Variants in GPC5 observed in about 807,000 individuals in gnomAD.
The protein encoded by GPC5 is glypican 5.
In GPC5, 47 loss-of-function variants were observed where a neutral mutation model predicts 53.9. The ratio of observed to expected loss-of-function variants is 0.87; its 90% CI spans 0.69 to 1.11. GPC5 has a LOEUF of 1.11. GPC5 is among the 50% of genes most tolerant of loss of function. The pLI is 0.00. For synonymous variants in GPC5, 286 were observed against 263.3 expected, an observed-to-expected ratio of 1.09 and a Z score of -0.84; for missense variants, 748 against 713.1, an observed-to-expected ratio of 1.05 and a Z score of -0.56.
chr13:91,846,634 A>G (rs780634874), intron 5 of GPC5, among the ~76,000 whole-genome samples: 1 of 151,950 alleles, frequency 6.6e-6, no homozygotes, highest in South Asian at 2.1e-4. Context: ...TACTGAAGAC[A>G]AAAAGGAAGG....
intron 7 of GPC5, among the ~76,000 whole-genome samples, chr13:92,220,558 A>T (rs1006130061): frequency 3.3e-5 from 5 of 152,260 alleles, no homozygotes. Flanking sequence ...ACTATCGGGA[A>T]GTAAACTTAA....
At position 92,142,802 on chromosome 13, in the gene GPC5, A is replaced by G. The variant is rs2041841008; in HGVS notation, c.1402-2028A>G. Among the ~76,000 whole-genome samples the G allele has an allele frequency of 3.3e-5, 5 of 152,330 alleles. No homozygotes were observed. The South Asian group carries it at 1.0e-3, about 32-fold the overall frequency. On this transcript the variant is annotated intron_variant, in intron 6 of 7. Coordinates refer to ENST00000377067, the MANE Select transcript of GPC5 (RefSeq NM_004466.6). ...TAATTCTTAGGGAAGTAAAGGGAAA[A>G]TAAAGTTGATACGGGAAAATGTTGG...
intron 7 of GPC5, among the ~76,000 whole-genome samples, chr13:92,237,913 A>C (rs906055025): frequency 6.6e-6 from 1 of 152,136 alleles, no homozygotes; most frequent in Admixed American, 6.5e-5. Flanking sequence ...ATGGAATCAT[A>C]ATAAGCATTC....
chr13:91,694,901 G>T (rs148816586), intron 3 of GPC5, among the ~76,000 whole-genome samples: 4 of 152,148 alleles, frequency 2.6e-5, no homozygotes, highest in Non-Finnish European at 5.9e-5. Context: ...GAGCCACCGC[G>T]CCCAGCGATT....
chr13:91,645,024 T>C (rs184888716), intron 2 of GPC5, among the ~76,000 whole-genome samples: 166 of 152,374 alleles, frequency 1.1e-3, no homozygotes, highest in African/African-American at 3.2e-3. Flanking sequence ...TGTGTTTATA[T>C]GTTGAAATAT....
chr13:92,613,196 T>A (rs1884496883), intron 7 of GPC5, among the ~76,000 whole-genome samples: 1 of 142,258 alleles, frequency 7.0e-6, no homozygotes, highest in Admixed American at 7.7e-5. Flanking sequence ...GTGTTCGCAA[T>A]ATATGAAGTA....
chr13:91,434,223 A>G (rs1879728940), intron 1 of GPC5, among the ~76,000 whole-genome samples: 1 of 152,150 alleles, frequency 6.6e-6, no homozygotes, highest in South Asian at 2.1e-4. Context: ...CCATTTGTCA[A>G]TTTTGGCTTT....
intron 5 of GPC5, among the ~76,000 whole-genome samples, chr13:91,851,797 A>G (rs1223877907): frequency 7.1e-6 from 1 of 140,786 alleles, no homozygotes. Context: ...GATGATTTCC[A>G]ATTTCATCCA....
intron 7 of GPC5, among the ~76,000 whole-genome samples, chr13:92,168,735 C>T (rs1013513861): frequency 7.2e-5 from 11 of 152,090 alleles, no homozygotes; most frequent in African/African-American, 2.2e-4. Context: ...CTGTTGGTGG[C>T]AAGGTAAATT....
intron 2 of GPC5, among the ~76,000 whole-genome samples, chr13:91,689,182 TAA>T (rs1166076951): frequency 3.0e-4 from 21 of 70,470 alleles, no homozygotes; most frequent in African/African-American, 1.0e-3. Flanking sequence ...AAATCATATA[TAA>T]ATATATATAT....
intron 7 of GPC5, among the ~76,000 whole-genome samples, chr13:92,572,387 C>T (rs1883056383): frequency 6.6e-6 from 1 of 152,096 alleles, no homozygotes; most frequent in African/African-American, 2.4e-5. Context: ...TTTGTTGGGA[C>T]ATTTTGGCCT....
intron 7 of GPC5, among the ~76,000 whole-genome samples, chr13:92,753,184 AC>A (rs1378886794): frequency 3.9e-5 from 6 of 151,960 alleles, no homozygotes; most frequent in Non-Finnish European, 2.9e-5. Context: ...CTGACCCCTG[AC>A]CCCCGAGCAG....
At chr13:92,644,567 A>G (rs1400714066) in intron 7 of GPC5, among the ~76,000 whole-genome samples, 1 of 152,200 alleles carries the variant, frequency 6.6e-6, no homozygotes, top group Non-Finnish European at 1.5e-5. Flanking sequence ...ATGTATTAAC[A>G]GCAATTGACC....
intron 7 of GPC5, among the ~76,000 whole-genome samples, chr13:92,376,677 G>T (rs1228542475): frequency 1.3e-5 from 2 of 152,086 alleles, no homozygotes; most frequent in Non-Finnish European, 1.5e-5. Context: ...TCCAAAAATG[G>T]GGTTCTCAAT....
At chr13:92,519,818 C>G (rs9516084) in intron 7 of GPC5, among the ~76,000 whole-genome samples, 16,270 of 151,974 alleles carry the variant, frequency 0.11, 1,057 homozygotes, top group Non-Finnish European at 0.15. Context: ...AAAAACCCTT[C>G]AAAAAATCAA....
chr13:92,096,448 C>T (rs2041422832), intron 6 of GPC5, among the ~76,000 whole-genome samples: 2 of 152,184 alleles, frequency 1.3e-5, no homozygotes, highest in Admixed American at 6.5e-5. Flanking sequence ...AATTCTCCCT[C>T]CCTGGAAGCT....
At chr13:91,985,369 C>CTTT (rs751277170) in intron 6 of GPC5, among the ~76,000 whole-genome samples, 1 of 95,816 alleles carries the variant, frequency 1.0e-5, no homozygotes. Flanking sequence ...ATAAAATCAG[C>CTTT]ATTTTTTTTT....
intron 7 of GPC5, among the ~76,000 whole-genome samples, chr13:92,713,130 A>G (rs1246384449): frequency 1.2e-4 from 19 of 152,204 alleles, no homozygotes; most frequent in Admixed American, 1.2e-3. Context: ...CACATGGAAG[A>G]CCATGTGAAG....
intron 6 of GPC5, among the ~76,000 whole-genome samples, chr13:91,974,879 G>T (rs2040282848): frequency 6.6e-6 from 1 of 152,126 alleles, no homozygotes; most frequent in Non-Finnish European, 1.5e-5. Flanking sequence ...ATACTACAAG[G>T]CTACAGTAAC....
Sources: allele counts gnomAD v4.1 joint callset (sites outside exome capture counted in the v4.1 genomes callset), GRCh38; gene constraint gnomAD v4.1.1; transcripts MANE v1.5; gene names NCBI Gene and HGNC (gene_info 2026-07-23, HGNC 2026-07-21).